The following KANK1 variants were observed in gnomAD, a reference collection of about 807,000 sequenced individuals.
The protein encoded by KANK1 is KN motif and ankyrin repeat domains 1, also known as KN motif and ankyrin repeat domain-containing protein 1.
Under a neutral mutation model 106.2 loss-of-function variants are expected in KANK1, and 109 were observed. That is an observed-to-expected ratio of 1.03 (90% CI 0.88 to 1.20). KANK1 has a LOEUF of 1.20. Ranked by LOEUF, KANK1 falls within the 50% of genes most tolerant of loss-of-function variation. The pLI is 0.00. For missense variants in KANK1, 2,399 were observed against 1,710.7 expected (o/e 1.40, Z -7.10); for synonymous variants, 873 against 652.2 (o/e 1.34, Z -5.16).
intron 3 of KANK1, among the ~76,000 whole-genome samples, chr9:473,857 A>C (rs1489609778): frequency 6.6e-6 from 1 of 152,008 alleles, no homozygotes; most frequent in Non-Finnish European, 1.5e-5. Context: ...GTGCCACCAC[A>C]CCTAGCTAAT....
In KANK1 at chr9:592,909, C is replaced by T. The variant is rs552822038; in HGVS notation, c.-83-83981C>T. ...GCAAAACGTAAATGCAGAAACTGCT[C>T]ATTGACTTGAGCCAAATTGCTCATG... On this transcript the variant is annotated intron_variant, in intron 1 of 11. Transcript: ENST00000382297. Among the ~76,000 whole-genome samples the T allele has an allele frequency of 5.9e-5, 9 of 151,890 alleles. No individual in the cohort carries two copies. In the South Asian group the frequency reaches 1.7e-3, roughly 28 times the overall value.
intron 1 of KANK1, among the ~76,000 whole-genome samples, chr9:638,017 T>C (rs1419774116): frequency 1.3e-5 from 2 of 152,194 alleles, no homozygotes; most frequent in Non-Finnish European, 2.9e-5. Context: ...AGAATGGCTG[T>C]AGAAGTGCCA....
intron 1 of KANK1, among the ~76,000 whole-genome samples, chr9:556,908 C>A (rs1007013222): frequency 6.6e-6 from 1 of 152,106 alleles, no homozygotes; most frequent in Non-Finnish European, 1.5e-5. Context: ...GGACTTTGGA[C>A]TCCTGTTTGA....
At chr9:526,169 A>G (rs1225898965) in intron 1 of KANK1, among the ~76,000 whole-genome samples, 1 of 151,760 alleles carries the variant, frequency 6.6e-6, no homozygotes, top group Non-Finnish European at 1.5e-5. Flanking sequence ...GAGAAACCTG[A>G]AAAATTCTGA....
chr9:509,720 G>C (rs763459246), intron 1 of KANK1, among the ~76,000 whole-genome samples: 2 of 152,108 alleles, frequency 1.3e-5, no homozygotes, highest in Non-Finnish European at 2.9e-5. Flanking sequence ...TGAGATTTTT[G>C]TTTATGTGGC....
At chr9:535,500 A>G (rs530230389) in intron 1 of KANK1, among the ~76,000 whole-genome samples, 3 of 152,198 alleles carry the variant, frequency 2.0e-5, no homozygotes, top group East Asian at 1.9e-4. Flanking sequence ...CACAGGTACT[A>G]TGATCATCTC....
chr9:496,541 A>T (rs192728699), intron 3 of KANK1, among the ~76,000 whole-genome samples: 1 of 152,364 alleles, frequency 6.6e-6, no homozygotes, highest in East Asian at 1.9e-4. Flanking sequence ...TGGACAACAG[A>T]GCAAGACTCC....
At chr9:663,979 C>T (rs952960932) in intron 1 of KANK1, among the ~76,000 whole-genome samples, 2 of 152,040 alleles carry the variant, frequency 1.3e-5, no homozygotes, top group East Asian at 3.9e-4. Context: ...TTGGCTGTAT[C>T]CTCACCCAGA....
intron 1 of KANK1, among the ~76,000 whole-genome samples, chr9:580,826 TGCTCGTTGGGGAGGCTTGG>T (rs1187217066): frequency 7.2e-5 from 11 of 152,102 alleles, no homozygotes; most frequent in African/African-American, 2.7e-4. Context: ...CAGGGGGCGG[TGCTCGTTGGGGAGGCTTGG>T]GCTGCGCTGG....
intron 3 of KANK1, among the ~76,000 whole-genome samples, chr9:713,716 G>GGCCTAGAGGTT (rs1826876343): frequency 6.6e-6 from 1 of 152,140 alleles, no homozygotes; most frequent in South Asian, 2.1e-4. Context: ...GGTGTTGGCT[G>GGCCTAGAGGTT]GCCTAGAGGT....
intron 1 of KANK1, among the ~76,000 whole-genome samples, chr9:661,183 G>T (rs1233885912): frequency 6.6e-6 from 1 of 152,036 alleles, no homozygotes; most frequent in African/African-American, 2.4e-5. Context: ...ATGCAGGCTT[G>T]TTACGTATGC....
chr9:702,293 C>A (rs1643098945), intron 2 of KANK1, among the ~76,000 whole-genome samples: 1 of 152,154 alleles, frequency 6.6e-6, no homozygotes, highest in African/African-American at 2.4e-5. Flanking sequence ...CATCCACTTA[C>A]CTTGAGACGC....
intron 1 of KANK1, among the ~76,000 whole-genome samples, chr9:519,726 T>C (rs2059460013): frequency 6.6e-6 from 1 of 151,826 alleles, no homozygotes; most frequent in South Asian, 2.1e-4. Flanking sequence ...AGTTAGAGAT[T>C]AATTACATGC....
At chr9:674,779 C>A (rs535838229) in intron 1 of KANK1, among the ~76,000 whole-genome samples, 2 of 152,306 alleles carry the variant, frequency 1.3e-5, no homozygotes, top group East Asian at 3.9e-4. Flanking sequence ...TCTCAGCTCA[C>A]TGCAATCTCC....
intron 1 of KANK1, among the ~76,000 whole-genome samples, chr9:669,274 C>G (rs1022943491): frequency 4.6e-5 from 7 of 152,036 alleles, no homozygotes; most frequent in African/African-American, 1.7e-4. Context: ...TTTGAATATT[C>G]TGGGGGTTTC....
rs375606220 is a variant in KANK1, at chr9:740,985, A to C, written c.3696+51A>C. 1.5e-5 allele frequency: 24 copies of C among 1,599,478 alleles called. No individual in the cohort carries two copies. In the African/African-American group the frequency reaches 3.2e-4, roughly 21 times the overall value. ...AGGAATGCACCCGTAACCAGCAGAC[A>C]GGACTGCGGTGGCCATTCTGGCAGA... On this transcript the variant is annotated intron_variant, in intron 9 of 11. Transcript: ENST00000382297.
chr9:569,464 C>G (rs1026806467), intron 1 of KANK1, among the ~76,000 whole-genome samples: 5 of 152,158 alleles, frequency 3.3e-5, no homozygotes, highest in Non-Finnish European at 2.9e-5. Context: ...AGCTAGCACA[C>G]TCGGCCGCCT....
intron 1 of KANK1, among the ~76,000 whole-genome samples, chr9:542,002 T>C (rs2133856152): frequency 6.6e-6 from 1 of 150,614 alleles, no homozygotes; most frequent in East Asian, 1.9e-4. Flanking sequence ...GGCAGGAGAA[T>C]GGCGTGAACC....
At chr9:515,236 T>A (rs1451993833) in intron 1 of KANK1, among the ~76,000 whole-genome samples, 5 of 150,952 alleles carry the variant, frequency 3.3e-5, no homozygotes, top group Non-Finnish European at 5.9e-5. Flanking sequence ...TCCCAGCTAC[T>A]CGGGAGGCTG....
Sources: allele counts gnomAD v4.1 joint callset (sites outside exome capture counted in the v4.1 genomes callset), GRCh38; gene constraint gnomAD v4.1.1; transcripts MANE v1.5; gene names NCBI Gene and HGNC (gene_info 2026-07-23, HGNC 2026-07-21).